MYO1D: variants seen among roughly 807,000 people sequenced by gnomAD.
MYO1D encodes the protein unconventional myosin-Id.
Under a neutral mutation model 122.0 loss-of-function variants are expected in MYO1D, and 83 were observed. That is an observed-to-expected ratio of 0.68 (90% CI 0.57 to 0.82). The LOEUF is 0.82. Among genes scored for constraint, MYO1D ranks in the 40% least tolerant of loss-of-function variants. The pLI is 0.00. For missense variants in MYO1D, 1,157 were observed against 1,269.5 expected, an observed-to-expected ratio of 0.91 and a Z score of 1.35; for synonymous variants, 464 against 446.9, an observed-to-expected ratio of 1.04 and a Z score of -0.48.
At position 32,681,073 on chromosome 17, in the gene MYO1D, C is replaced by T. The variant is rs569528213; in HGVS notation, c.2122-21735G>A. On this transcript the variant is annotated intron_variant, in intron 16 of 21. Coordinates refer to ENST00000318217, the MANE Select transcript of MYO1D (RefSeq NM_015194.3). The stretch of plus-strand genomic sequence containing the variant: ...TGTAGTATTCTCTGATGGTAGTTTG[C>T]ATTTCTGTGGGATTGGTGGTGATAT... Among the ~76,000 whole-genome samples the T allele has an allele frequency of 5.3e-5, 8 of 152,122 alleles. No homozygotes were observed. The East Asian group carries it at 5.8e-4, about 11-fold the overall frequency.
At chr17:32,519,525 C>G (rs1210994869) in intron 21 of MYO1D, among the ~76,000 whole-genome samples, 2 of 151,924 alleles carry the variant, frequency 1.3e-5, no homozygotes, top group Admixed American at 1.3e-4. Flanking sequence ...GTCGCCAAGG[C>G]AACGCCGGCC....
At chr17:32,601,158 A>G (rs1381233488) in intron 21 of MYO1D, among the ~76,000 whole-genome samples, 1 of 151,716 alleles carries the variant, frequency 6.6e-6, no homozygotes, top group African/African-American at 2.4e-5. Context: ...TTGGTCTGGA[A>G]CTCCTGGCCT....
At chr17:32,618,365 C>G (rs931794923) in intron 20 of MYO1D, among the ~76,000 whole-genome samples, 1 of 152,122 alleles carries the variant, frequency 6.6e-6, no homozygotes, top group African/African-American at 2.4e-5. Flanking sequence ...TTGATGAAAG[C>G]CACTCAGCAA....
chr17:32,823,600 T>C (rs186891683), intron 1 of MYO1D, among the ~76,000 whole-genome samples: 45 of 152,178 alleles, frequency 3.0e-4, no homozygotes, highest in African/African-American at 1.1e-3. Context: ...CTAGGAAAAC[T>C]GATAATAGTA....
At chr17:32,575,050 G>A (rs1039465843) in intron 21 of MYO1D, among the ~76,000 whole-genome samples, 4 of 151,852 alleles carry the variant, frequency 2.6e-5, no homozygotes, top group Non-Finnish European at 4.4e-5. Flanking sequence ...GGGAAGTATC[G>A]GAAGTATTAT....
chr17:32,579,371 A>G (rs942584818), intron 21 of MYO1D, among the ~76,000 whole-genome samples: 9 of 152,128 alleles, frequency 5.9e-5, no homozygotes, highest in South Asian at 2.1e-4. Flanking sequence ...GTCCAGCCCA[A>G]TGTATTTTCA....
chr17:32,795,570 G>C (rs1421144232), intron 1 of MYO1D, among the ~76,000 whole-genome samples: 1 of 152,096 alleles, frequency 6.6e-6, no homozygotes, highest in Non-Finnish European at 1.5e-5. Flanking sequence ...CAATAAAGAA[G>C]CTATACAATG....
chr17:32,588,346 T>C (rs185103384), intron 21 of MYO1D, among the ~76,000 whole-genome samples: 83 of 152,348 alleles, frequency 5.4e-4, no homozygotes, highest in African/African-American at 1.9e-3. Context: ...ACACACGTGC[T>C]TGCTAGTTCT....
chr17:32,588,771 G>A (rs1347906616), intron 21 of MYO1D, among the ~76,000 whole-genome samples: 1 of 152,010 alleles, frequency 6.6e-6, no homozygotes, highest in Non-Finnish European at 1.5e-5. Flanking sequence ...CCAACATGGT[G>A]AAACCCCATC....
chr17:32,574,013 C>G (rs776557745), intron 21 of MYO1D, among the ~76,000 whole-genome samples: 1 of 151,954 alleles, frequency 6.6e-6, no homozygotes, highest in Non-Finnish European at 1.5e-5. Context: ...CCACCTCGCC[C>G]GGCTAATTTT....
chr17:32,628,252 G>T (rs576805518), intron 20 of MYO1D, among the ~76,000 whole-genome samples: 1 of 152,266 alleles, frequency 6.6e-6, no homozygotes, highest in Non-Finnish European at 1.5e-5. Flanking sequence ...ACTCAAAGGG[G>T]ATGATGCCAA....
chr17:32,725,736 T>TA (rs1004135755), intron 14 of MYO1D, among the ~76,000 whole-genome samples: 7 of 150,686 alleles, frequency 4.6e-5, no homozygotes, highest in Non-Finnish European at 8.9e-5. Context: ...TAAAACTGAT[T>TA]AAAAAAAAGG....
intron 21 of MYO1D, among the ~76,000 whole-genome samples, chr17:32,582,877 ATTAC>A (rs2087354704): frequency 6.6e-6 from 1 of 152,136 alleles, no homozygotes; most frequent in Non-Finnish European, 1.5e-5. Context: ...ATTCACCCAC[ATTAC>A]TTTTACTATT....
chr17:32,616,886 G>GCA (rs370229291), intron 20 of MYO1D, among the ~76,000 whole-genome samples: 21 of 152,284 alleles, frequency 1.4e-4, no homozygotes, highest in African/African-American at 4.6e-4. Flanking sequence ...CATGTTTTGA[G>GCA]CACTAAGTCA....
At chr17:32,707,886 G>A (rs1049601505) in intron 16 of MYO1D, among the ~76,000 whole-genome samples, 1 of 152,158 alleles carries the variant, frequency 6.6e-6, no homozygotes, top group Non-Finnish European at 1.5e-5. Flanking sequence ...ACAACACTTG[G>A]CATGTGTTGA....
At chr17:32,517,654 C>A (rs1379332803) in intron 21 of MYO1D, among the ~76,000 whole-genome samples, 1 of 152,262 alleles carries the variant, frequency 6.6e-6, no homozygotes, top group South Asian at 2.1e-4. Flanking sequence ...AAGCATCACC[C>A]TCCCTGGGAA....
In MYO1D at chr17:32,685,470, G is replaced by C. The variant is rs935295358; in HGVS notation, c.2122-26132C>G. Among the ~76,000 whole-genome samples the C allele has an allele frequency of 4.6e-5, 7 of 152,144 alleles. No homozygotes were observed. The East Asian group carries it at 1.3e-3, about 29-fold the overall frequency. ...AGCAGATATTCTGTTCTTCCAAAGG[G>C]GCAGAAAACCCTTGCTTCTTTTTCA... is the stretch of plus-strand genomic sequence containing the variant. On this transcript the variant is annotated intron_variant, in intron 16 of 21. Transcript: ENST00000318217.
intron 16 of MYO1D, among the ~76,000 whole-genome samples, chr17:32,699,502 T>G (rs2089218397): frequency 1.3e-5 from 2 of 152,118 alleles, no homozygotes; most frequent in Admixed American, 1.3e-4. Flanking sequence ...GCCACGCCTA[T>G]CCCTAACCAT....
chr17:32,800,425 CTAAG>C (rs2090451155), intron 1 of MYO1D, among the ~76,000 whole-genome samples: 1 of 152,028 alleles, frequency 6.6e-6, no homozygotes, highest in Non-Finnish European at 1.5e-5. Flanking sequence ...GGACATTATG[CTAAG>C]TAGAATAAGC....
Sources: allele counts gnomAD v4.1 joint callset (sites outside exome capture counted in the v4.1 genomes callset), GRCh38; gene constraint gnomAD v4.1.1; transcripts MANE v1.5; gene names NCBI Gene and HGNC (gene_info 2026-07-23, HGNC 2026-07-21).